Variants in PHF2 observed in about 807,000 individuals in gnomAD.
PHF2 encodes lysine-specific demethylase PHF2.
A neutral mutation model predicts 120.5 loss-of-function variants in PHF2; 27 were observed. The observed-to-expected ratio is 0.22, with a 90% CI of 0.17 to 0.31. The LOEUF (loss-of-function observed/expected upper bound fraction) is 0.31, where lower values mean the gene tolerates loss of function less well. Among genes scored for constraint, PHF2 ranks in the 10% least tolerant of loss-of-function variants. The probability of loss-of-function intolerance (pLI) is 1.00; values close to 1 mark genes in which losing one functional copy is unlikely to be tolerated. For synonymous variants in PHF2, 568 were observed against 592.5 expected, an observed-to-expected ratio of 0.96 and a Z score of 0.60; for missense variants, 1,024 against 1,434.8, an observed-to-expected ratio of 0.71 and a Z score of 4.63.
intron 9 of PHF2, 148 bp from the exon 10 acceptor site, chr9:93,657,997 A>T (rs1459789031): frequency 1.6e-6 from 1 of 607,016 alleles, no homozygotes; most frequent in African/African-American, 1.9e-5. Context: ...TCCAAGAGGA[A>T]CTGTTGGCAG....
chr9:93,585,998 T>G (rs1863036277), intron 1 of PHF2, among the ~76,000 whole-genome samples: 1 of 152,176 alleles, frequency 6.6e-6, no homozygotes, highest in African/African-American at 2.4e-5. Flanking sequence ...GCAGACTGAT[T>G]TAGGGGTTTA....
rs1826606101 is a variant in PHF2, at chr9:93,663,039, C to T, written c.1818+13C>T. 2 of 1,613,832 alleles carry T rather than the reference C, an allele frequency of 1.2e-6. No homozygotes were observed. Among genetic ancestry groups the T allele is most frequent in the Non-Finnish European group, 8.5e-7 (1 of 1,179,930 alleles). ...GTGGAAGTACAAGGTGAGAAGTGCA[C>T]ATATGCATGCACACGTGTGTGTGTC... On this transcript the variant is annotated intron_variant, in intron 13 of 21. Coordinates refer to ENST00000359246, the MANE Select transcript of PHF2 (RefSeq NM_005392.4).
At chr9:93,673,306 G>C (rs1826843817) in intron 17 of PHF2, among the ~76,000 whole-genome samples, 1 of 151,988 alleles carries the variant, frequency 6.6e-6, no homozygotes, top group Non-Finnish European at 1.5e-5. Context: ...CTTCCCATCT[G>C]CTGTCTTCCG....
intron 1 of PHF2, among the ~76,000 whole-genome samples, chr9:93,580,624 C>T (rs761592461): frequency 2.6e-4 from 39 of 152,348 alleles, no homozygotes; most frequent in African/African-American, 9.1e-4. Context: ...CTTTCTGGCC[C>T]TCTTTCAGCT....
At chr9:93,586,711 T>A (rs754251844) in intron 1 of PHF2, among the ~76,000 whole-genome samples, 2 of 152,256 alleles carry the variant, frequency 1.3e-5, no homozygotes, top group Non-Finnish European at 2.9e-5. Context: ...GGTTCCTTGT[T>A]CATGAGCGAG....
intron 4 of PHF2, among the ~76,000 whole-genome samples, chr9:93,647,416 G>C (rs1019981812): frequency 2.0e-5 from 3 of 152,094 alleles, no homozygotes; most frequent in African/African-American, 7.2e-5. Context: ...ATGGTTCGTC[G>C]TTTGTGTTGC....
chr9:93,601,261 G>A (rs948738281), intron 1 of PHF2, among the ~76,000 whole-genome samples: 3 of 152,188 alleles, frequency 2.0e-5, no homozygotes, highest in African/African-American at 7.2e-5. Context: ...ATACAGCCAG[G>A]GACTCCAGCC....
At position 93,608,305 on chromosome 9, in the gene PHF2, A is replaced by T. The variant is rs189279751; in HGVS notation, c.99-21665A>T. On this transcript the variant is annotated intron_variant, in intron 1 of 21. Coordinates refer to ENST00000359246, the MANE Select transcript of PHF2 (RefSeq NM_005392.4). The stretch of plus-strand genomic sequence containing the variant: ...GCCACTGTACTCTAGCCTGGGCAAT[A>T]GATTGAGACACTGTCTCATAATAAT... 1.0e-4 allele frequency among the ~76,000 whole-genome samples: 15 copies of T among 148,270 alleles called. No individual in the cohort carries two copies. In the East Asian group the frequency reaches 3.0e-3, roughly 30 times the overall value.
intron 1 of PHF2, among the ~76,000 whole-genome samples, chr9:93,580,889 G>C (rs937228259): frequency 9.9e-5 from 15 of 152,270 alleles, no homozygotes; most frequent in African/African-American, 3.6e-4. Flanking sequence ...AGAGTGGACT[G>C]AGGTTTTGAC....
In PHF2 at chr9:93,605,442, T is replaced by A. The variant is rs115321180; in HGVS notation, c.99-24528T>A. Among the ~76,000 whole-genome samples the A allele has an allele frequency of 2.2e-3, 332 of 152,358 alleles. 2 individuals are homozygous for A. Among genetic ancestry groups the A allele is most frequent in the African/African-American group, 7.7e-3 (322 of 41,586 alleles). On this transcript the variant is annotated intron_variant, in intron 1 of 21. Coordinates refer to ENST00000359246, the MANE Select transcript of PHF2 (RefSeq NM_005392.4). ...CAATGTAATATACACCATTAAAATGTATCCACCATTGCAATGTAATACAGA... is the reference window on the plus strand; with the variant it reads ...CAATGTAATATACACCATTAAAATGAATCCACCATTGCAATGTAATACAGA...
At chr9:93,665,201 A>C (rs887517375) in intron 14 of PHF2, among the ~76,000 whole-genome samples, 3 of 152,222 alleles carry the variant, frequency 2.0e-5, no homozygotes, top group African/African-American at 7.2e-5. Flanking sequence ...GGAGAAAAAA[A>C]CCAGGAAACT....
At chr9:93,576,908 G>T in intron 1 of PHF2, 37 bp downstream of exon 1, 1 of 928,666 alleles carries the variant, frequency 1.1e-6, no homozygotes. Flanking sequence ...GGCCCGGCCC[G>T]GCCCGGCCAC....
In PHF2 at chr9:93,665,720, G is replaced by A. The variant is rs915369911; in HGVS notation, c.1972G>A (p.Val658Met). ...TCTCAGGCCCCCGACGAGCCCTGGT[G>A]TGTTCGGGGCCTTGCAGAACTTCAA... Reference protein sequence around the residue: ...KALRPPTSPGVFGALQNFKED... With the variant: ...KALRPPTSPGMFGALQNFKED... The change falls in exon 15 of 22, where the codon GTG becomes ATG. Residue 658 changes from valine to methionine, a missense_variant. Physicochemically the swap from Val to Met is conservative, Grantham distance 21. This residue lies in a region of PHF2 where 677 missense variants were observed against 857.4 expected (regional missense o/e 0.79). Coordinates refer to ENST00000359246, the MANE Select transcript of PHF2 (RefSeq NM_005392.4). 6.2e-7 allele frequency: 1 copy of A among 1,614,058 alleles called. No homozygotes were observed. Among genetic ancestry groups the A allele is most frequent in the Non-Finnish European group, 8.5e-7 (1 of 1,180,046 alleles).
chr9:93,608,152 C>T (rs1031857258), intron 1 of PHF2, among the ~76,000 whole-genome samples: 9 of 152,036 alleles, frequency 5.9e-5, no homozygotes, highest in African/African-American at 2.2e-4. Context: ...GTGAGAGGGA[C>T]ATCCTTGCCT....
chr9:93,665,695 T>G lies in PHF2; in HGVS notation c.1947T>G (p.Ala649=). The change falls in exon 15 of 22, where the codon GCT becomes GCG. Residue 649 remains alanine, a synonymous_variant. Transcript: ENST00000359246. The part of the protein sequence containing the change: ...FSNKKLLGSK[A]LRPPTSPGVF... The stretch of plus-strand genomic sequence containing the variant: ...CTCGCTTCTGCCCTAGCTCCAAGGC[T>G]CTCAGGCCCCCGACGAGCCCTGGTG... The G allele has an allele frequency of 2.5e-6, 4 of 1,613,672 alleles. No homozygotes were observed. The South Asian group carries it at 4.4e-5, about 18-fold the overall frequency.
chr9:93,618,206 A>G (rs1825757839), intron 1 of PHF2, among the ~76,000 whole-genome samples: 1 of 152,266 alleles, frequency 6.6e-6, no homozygotes, highest in Non-Finnish European at 1.5e-5. Flanking sequence ...GCATGGCCTC[A>G]TCTGGTTGGC....
intron 1 of PHF2, among the ~76,000 whole-genome samples, chr9:93,605,102 A>G (rs1229373030): frequency 6.6e-6 from 1 of 152,250 alleles, no homozygotes; most frequent in South Asian, 2.1e-4. Context: ...TTCCCCATTC[A>G]TAGCGTCTTG....
chr9:93,577,281 C>A (rs1354072721), intron 1 of PHF2, among the ~76,000 whole-genome samples: 4 of 151,546 alleles, frequency 2.6e-5, no homozygotes, highest in Non-Finnish European at 5.9e-5. Flanking sequence ...TGCGAAGTTG[C>A]AGGAACTTTC....
At chr9:93,676,290 A>T (rs1040790904) in intron 20 of PHF2, among the ~76,000 whole-genome samples, 2 of 152,240 alleles carry the variant, frequency 1.3e-5, no homozygotes, top group African/African-American at 4.8e-5. Flanking sequence ...ATCAAAGTGA[A>T]TATTCTTCCA....
Sources: allele counts gnomAD v4.1 joint callset (sites outside exome capture counted in the v4.1 genomes callset), GRCh38; gene constraint gnomAD v4.1.1; regional missense constraint gnomAD v4.1.1; transcripts MANE v1.5; gene names NCBI Gene and HGNC (gene_info 2026-07-23, HGNC 2026-07-21).